Variants in MMRN1 observed in about 807,000 individuals in gnomAD.
The protein encoded by MMRN1 is multimerin 1.
Under a neutral mutation model 100.7 loss-of-function variants are expected in MMRN1, and 94 were observed. The observed-to-expected ratio is 0.93, with a 90% CI of 0.79 to 1.11. The LOEUF is 1.11. Ranked by LOEUF, MMRN1 falls within the 50% of genes least tolerant of loss-of-function variation. The probability of loss-of-function intolerance (pLI) is 0.00; values close to 1 mark genes in which losing one functional copy is unlikely to be tolerated. For missense variants in MMRN1, 1,606 were observed against 1,439.1 expected (o/e 1.12, Z -1.88); for synonymous variants, 575 against 505.0 (o/e 1.14, Z -1.86).
intron 6 of MMRN1, among the ~76,000 whole-genome samples, chr4:89,948,830 G>T (rs565818140): frequency 6.6e-6 from 1 of 152,270 alleles, no homozygotes; most frequent in Admixed American, 6.5e-5. Context: ...CAGACAAGTG[G>T]CTGAGGCATC....
At chr4:89,901,482 T>C (rs1721386810) in intron 1 of MMRN1, among the ~76,000 whole-genome samples, 3 of 152,088 alleles carry the variant, frequency 2.0e-5, no homozygotes, top group Admixed American at 2.0e-4. Flanking sequence ...TTTTTTCTGC[T>C]CATTTTGTGT....
chr4:89,943,930 C>T (rs1050711718), intron 6 of MMRN1, among the ~76,000 whole-genome samples: 5 of 151,032 alleles, frequency 3.3e-5, no homozygotes, highest in African/African-American at 7.3e-5. Flanking sequence ...TGCAGTGAGC[C>T]GAGATCATGC....
intron 1 of MMRN1, among the ~76,000 whole-genome samples, chr4:89,904,965 T>G (rs115073369): frequency 0.015 from 2,309 of 151,770 alleles, 51 homozygotes; most frequent in African/African-American, 0.051. Context: ...AATTCTATTT[T>G]CCTCTTTAAA....
At chr4:89,941,209 T>A (rs1389104150) in intron 6 of MMRN1, among the ~76,000 whole-genome samples, 1 of 152,208 alleles carries the variant, frequency 6.6e-6, no homozygotes, top group Non-Finnish European at 1.5e-5. Context: ...AGAGTTTAGA[T>A]GTGTTTTAGA....
rs1451612765 is a variant in MMRN1 at position 89,911,999 on chromosome 4, T to C, written c.799T>C (p.Leu267=). ...YRMQHKIVTS[L]DWRCCPGYSG... ...GATGCAACATAAAATTGTCACCTCA[T>C]TGGATTGGAGGTGCTGTCCTGGATA... The change falls in exon 3 of 8, where the codon TTG becomes CTG. Residue 267 remains leucine (L), a synonymous_variant. Coordinates refer to ENST00000264790, the MANE Select transcript of MMRN1 (RefSeq NM_007351.3). 3 of 1,604,190 alleles carry C rather than the reference T, an allele frequency of 1.9e-6. No homozygotes were observed. Among genetic ancestry groups the C allele is most frequent in the East Asian group, 2.2e-5 (1 of 44,470 alleles).
intron 3 of MMRN1, 133 bp from the exon 4 acceptor site, chr4:89,923,035 T>G (rs1366874220): frequency 1.4e-6 from 1 of 710,410 alleles, no homozygotes; most frequent in African/African-American, 1.8e-5. Context: ...AGCAGCTTAC[T>G]CTGCAATCAT....
chr4:89,884,266 T>A (rs1034413087), intron 1 of MMRN1, among the ~76,000 whole-genome samples: 21 of 152,128 alleles, frequency 1.4e-4, no homozygotes, highest in Non-Finnish European at 2.8e-4. Flanking sequence ...TAATATTGTA[T>A]TGAAGGTATA....
At chr4:89,914,947 C>A (rs920313524) in intron 3 of MMRN1, among the ~76,000 whole-genome samples, 2 of 151,530 alleles carry the variant, frequency 1.3e-5, no homozygotes, top group Non-Finnish European at 3.0e-5. Context: ...TGGCTTTAAT[C>A]ATCAGATCCT....
rs530114058 is a variant in MMRN1 at position 89,905,021 on chromosome 4, G to T, written c.624-4255G>T. Among the ~76,000 whole-genome samples, 10 of 151,498 alleles carry T rather than the reference G, an allele frequency of 6.6e-5. No homozygotes were observed. In the South Asian group the frequency reaches 1.5e-3, roughly 22 times the overall value. On this transcript the variant is annotated intron_variant, in intron 1 of 7. Coordinates refer to ENST00000264790, the MANE Select transcript of MMRN1 (RefSeq NM_007351.3). The stretch of plus-strand genomic sequence containing the variant: ...GATATTTTTTAAAAAGAGAGGGGGG[G>T]AATTATCCACATATGTCAGACTTAT...
At chr4:89,903,655 G>C (rs1474014477) in intron 1 of MMRN1, among the ~76,000 whole-genome samples, 1 of 151,774 alleles carries the variant, frequency 6.6e-6, no homozygotes, top group African/African-American at 2.4e-5. Context: ...AAAACATTTA[G>C]TCTCACGACA....
chr4:89,948,746 A>G (rs1723068305), intron 6 of MMRN1, among the ~76,000 whole-genome samples: 1 of 152,192 alleles, frequency 6.6e-6, no homozygotes, highest in Non-Finnish European at 1.5e-5. Flanking sequence ...AGAGACTTGG[A>G]AAGTCCAGAC....
intron 3 of MMRN1, among the ~76,000 whole-genome samples, chr4:89,916,830 C>G (rs1721936825): frequency 6.6e-6 from 1 of 151,608 alleles, no homozygotes. Context: ...AATGGAATAA[C>G]ATTTTCCAAG....
chr4:89,880,871 G>C, intron 1 of MMRN1, among the ~76,000 whole-genome samples: 1 of 152,012 alleles, frequency 6.6e-6, no homozygotes, highest in East Asian at 1.9e-4. Flanking sequence ...ACAGTCTCAG[G>C]CTTGATCCTC....
chr4:89,914,658 G>A (rs1232747107), intron 3 of MMRN1, among the ~76,000 whole-genome samples: 1 of 151,444 alleles, frequency 6.6e-6, no homozygotes, highest in African/African-American at 2.4e-5. Flanking sequence ...AGTCATCAAA[G>A]ACAGTTTGCA....
intron 2 of MMRN1, among the ~76,000 whole-genome samples, chr4:89,910,395 T>G (rs1721711264): frequency 1.3e-5 from 2 of 151,502 alleles, no homozygotes; most frequent in Admixed American, 1.3e-4. Context: ...TCTTTTTATT[T>G]TTTTCTTTTC....
chr4:89,881,809 T>C (rs1050571440), intron 1 of MMRN1, among the ~76,000 whole-genome samples: 7 of 152,018 alleles, frequency 4.6e-5, no homozygotes, highest in South Asian at 2.1e-4. Context: ...TTTAAACTTA[T>C]AGTTAGCCTT....
At chr4:89,883,356 C>A (rs542351326) in intron 1 of MMRN1, among the ~76,000 whole-genome samples, 3 of 152,006 alleles carry the variant, frequency 2.0e-5, no homozygotes, top group Admixed American at 2.0e-4. Flanking sequence ...CTACCTGAAA[C>A]GTATGAGTTC....
At chr4:89,894,046 A>G (rs930004224), upstream of MMRN1, among the ~76,000 whole-genome samples, 7 of 152,106 alleles carry the variant, frequency 4.6e-5, no homozygotes, top group Non-Finnish European at 1.0e-4. Flanking sequence ...AAAGCATTCT[A>G]TATGATCCCA....
At chr4:89,886,212 G>T (rs1720934464) in intron 1 of MMRN1, among the ~76,000 whole-genome samples, 2 of 151,450 alleles carry the variant, frequency 1.3e-5, no homozygotes, top group Admixed American at 6.6e-5. Flanking sequence ...TTGTAAGATA[G>T]GTATTTCAAG....
Sources: allele counts gnomAD v4.1 joint callset (sites outside exome capture counted in the v4.1 genomes callset), GRCh38; gene constraint gnomAD v4.1.1; transcripts MANE v1.5; gene names NCBI Gene and HGNC (gene_info 2026-07-23, HGNC 2026-07-21).